The following NAT16 variants were observed in gnomAD, a reference collection of about 807,000 sequenced individuals.
NAT16 encodes the protein N-acetyltransferase 16 (putative), also known as probable N-acetyltransferase 16.
In NAT16, 16 loss-of-function variants were observed where a neutral mutation model predicts 15.9. That is an observed-to-expected ratio of 1.01 (90% CI 0.68 to 1.53). The LOEUF is 1.53. NAT16 is among the 40% of genes most tolerant of loss of function. The pLI is 0.00. For missense variants in NAT16, 572 were observed against 508.4 expected, an observed-to-expected ratio of 1.13 and a Z score of -1.20; for synonymous variants, 260 against 241.9, an observed-to-expected ratio of 1.07 and a Z score of -0.69.
Position 101,174,628 on chromosome 7 carries a change from T to C in NAT16, c.180A>G (p.Glu60=). ...AEPLDFVVAT[E]REFEEVLAIS... ...TGGCCAGCACTTCCTCAAACTCCCG[T>C]TCCGTGGCCACCACGAAGTCCAATG... is the stretch of plus-strand genomic sequence containing the variant. The change falls in exon 2 of 4, where the codon GAA becomes GAG. Residue 60 remains glutamate (E), a synonymous_variant. Coordinates refer to ENST00000300303, the MANE Select transcript of NAT16 (RefSeq NM_198571.3). 1.2e-6 allele frequency: 2 copies of C among 1,613,994 alleles called. No individual in the cohort carries two copies. The highest frequency in any genetic ancestry group is 1.7e-6 in the Non-Finnish European group (2 of 1,179,980).
In NAT16 at chr7:101,172,082, G is replaced by T. The variant is rs933845576; in HGVS notation, c.1107C>A (p.Ile369=). 4 of 1,604,332 alleles carry T rather than the reference G, an allele frequency of 2.5e-6. No homozygotes were observed. The highest frequency in any genetic ancestry group is 3.4e-6 in the Non-Finnish European group (4 of 1,172,690). The change falls in exon 4 of 4, where the codon ATC becomes ATA. Residue 369 remains isoleucine, a synonymous_variant. Transcript: ENST00000300303. This position sits in a 1 kb window ranked among gnomAD's most constrained non-coding sequence, Gnocchi z 4.2. The part of the protein sequence containing the change: ...YTEQYLLEAD[I] ...CCTCCCCGCCAGAGGAGAGGCCTCAGATGTCGGCCTCCAGCAGGTACTGTT... is the reference window on the plus strand; with the variant it reads ...CCTCCCCGCCAGAGGAGAGGCCTCATATGTCGGCCTCCAGCAGGTACTGTT...
intron 1 of NAT16, among the ~76,000 whole-genome samples, chr7:101,177,767 C>A (rs1433765071): frequency 6.6e-6 from 1 of 152,148 alleles, no homozygotes; most frequent in Non-Finnish European, 1.5e-5. Context: ...TGATGAAGAA[C>A]CAGAGATGCG....
At chr7:101,175,315 C>T (rs2116730227) in intron 1 of NAT16, among the ~76,000 whole-genome samples, 1 of 151,386 alleles carries the variant, frequency 6.6e-6, no homozygotes, top group Non-Finnish European at 1.5e-5. Context: ...ACTACTTTGC[C>T]CAGGCTGGTC....
chr7:101,177,817 G>A (rs1797499909), intron 1 of NAT16, among the ~76,000 whole-genome samples: 1 of 152,176 alleles, frequency 6.6e-6, no homozygotes. Flanking sequence ...CACACTGTCA[G>A]CAATCCCTAT....
In NAT16 at chr7:101,172,168, AC is replaced by A; in HGVS notation, c.1020del (p.Trp340CysfsTer17). 1.9e-6 allele frequency: 3 copies of A among 1,613,468 alleles called. No individual in the cohort carries two copies. The highest frequency in any genetic ancestry group is 2.5e-6 in the Non-Finnish European group (3 of 1,179,466). ...MCQLFLEPQLWSQLADFCQVG... is the reference protein window; with the variant it reads ...MCQLFLEPQLXSQLADFCQVG... ...ACCTGGCAGAAGTCAGCCAGCTGTG[AC>A]CACAGCTGGGGCTCCAGGAAGAGCT... On this transcript the variant is annotated frameshift_variant, in exon 4 of 4. Coordinates refer to ENST00000300303, the MANE Select transcript of NAT16 (RefSeq NM_198571.3). LOFTEE classifies it low-confidence loss of function (END_TRUNC). This position sits in a 1 kb window ranked among gnomAD's most constrained non-coding sequence, Gnocchi z 4.2.
Position 101,174,512 on chromosome 7 carries a change from T to C in NAT16, c.296A>G (p.Lys99Arg). The C allele has an allele frequency of 6.2e-7, 1 of 1,612,918 alleles. No individual in the cohort carries two copies. ...CGGGCTCACCACGCCTCCGTTGCGC[T>C]TGGCCAGCACCACCGTGCGGTCGGG... is the stretch of plus-strand genomic sequence containing the variant. ...RDPDRTVVLA[K>R]RNGGVIALES... is the part of the protein sequence containing the mutation. The change falls in exon 2 of 4, where the codon AAG becomes AGG. Residue 99 changes from lysine to arginine, a missense_variant. Transcript: ENST00000300303.
intron 1 of NAT16, among the ~76,000 whole-genome samples, chr7:101,175,986 GACA>G: frequency 6.6e-6 from 1 of 150,568 alleles, no homozygotes; most frequent in Admixed American, 6.6e-5. Context: ...CCTCTGCAAG[GACA>G]ACATGAGAAA....
Position 101,173,354 on chromosome 7 carries a change from G to GTGAGCCGT in NAT16, c.471_478dup (p.Thr160AsnfsTer14). On this transcript the variant is annotated frameshift_variant, in exon 3 of 4. Transcript: ENST00000300303. LOFTEE classifies it high-confidence loss of function. Reference sequence around the variant, plus strand: ...CCGGGGGCCCAGCTGGTCGTCCCGGGTGAGCCGTGCCACCTTGACCCCCGG... The same window carrying GTGAGCCGT: ...CCGGGGGCCCAGCTGGTCGTCCCGGGTGAGCCGTTGAGCCGTGCCACCTTGACCCCCGG... The GTGAGCCGT allele has an allele frequency of 6.2e-7, 1 of 1,614,076 alleles. No homozygotes were observed. The highest frequency in any genetic ancestry group is 8.5e-7 in the Non-Finnish European group (1 of 1,180,010).
chr7:101,173,253 C>G lies in NAT16; in HGVS notation c.537+43G>C, dbSNP rs377525040. 1.9e-6 allele frequency: 3 copies of G among 1,558,190 alleles called. No homozygotes were observed. The African/African-American group carries it at 4.1e-5, about 21-fold the overall frequency. On this transcript the variant is annotated intron_variant, in intron 3 of 3. Coordinates refer to ENST00000300303, the MANE Select transcript of NAT16 (RefSeq NM_198571.3). Reference sequence around the variant, plus strand: ...GGTGGGGAGGGTCTCCCCATATGCCCCAGCAGAGAGGCCCAGCCATCCGAG... The same window carrying G: ...GGTGGGGAGGGTCTCCCCATATGCCGCAGCAGAGAGGCCCAGCCATCCGAG...
chr7:101,174,341 G>T, intron 2 of NAT16, 155 bp downstream of exon 2: 1 of 985,692 alleles, frequency 1.0e-6, no homozygotes, highest in Non-Finnish European at 1.4e-6. Context: ...CCCTGGATCC[G>T]CACTGCACGC....
chr7:101,176,706 C>T (rs1160139822), intron 1 of NAT16, among the ~76,000 whole-genome samples: 1 of 151,868 alleles, frequency 6.6e-6, no homozygotes, highest in Non-Finnish European at 1.5e-5. Context: ...TATCCAAGTC[C>T]CAGCAACTTC....
intron 2 of NAT16, chr7:101,174,160 T>G: frequency 2.5e-6 from 1 of 392,516 alleles, no homozygotes; most frequent in Non-Finnish European, 4.5e-6. Context: ...CCAGCCCAAA[T>G]CTAAGCTCTT....
rs779312211 is a variant in NAT16 at position 101,172,223 on chromosome 7, C to G, written c.966G>C (p.Pro322=). Reference sequence around the variant, plus strand: ...ACATGACGTTGAGGCCAACGAGGCGCGGGGCCTGGCGCTGCAGGTGCCACA... The same window carrying G: ...ACATGACGTTGAGGCCAACGAGGCGGGGGGCCTGGCGCTGCAGGTGCCACA... ...QLLWHLQRQA[P]RLVGLNVMCQ... Residue 322 remains proline (P), a synonymous_variant, in exon 4 of 4, where the codon CCG becomes CCC. Coordinates refer to ENST00000300303, the MANE Select transcript of NAT16 (RefSeq NM_198571.3). This position sits in a 1 kb window ranked among gnomAD's most constrained non-coding sequence, Gnocchi z 4.2. The G allele has an allele frequency of 6.2e-7, 1 of 1,613,430 alleles. No homozygotes were observed. Among genetic ancestry groups the G allele is most frequent in the African/African-American group, 1.3e-5 (1 of 74,932 alleles).
intron 1 of NAT16, among the ~76,000 whole-genome samples, chr7:101,177,410 G>A (rs1408713997): frequency 1.6e-4 from 24 of 152,072 alleles, no homozygotes; most frequent in Non-Finnish European, 8.8e-5. Flanking sequence ...TGGCATCATC[G>A]TAGCTCACTG....
chr7:101,175,612 TG>T, intron 1 of NAT16, among the ~76,000 whole-genome samples: 1 of 147,650 alleles, frequency 6.8e-6, no homozygotes, highest in African/African-American at 2.6e-5. Context: ...AAAAGGCACT[TG>T]GGGGTAGTTT....
At chr7:101,179,308 C>T (rs1076276) in intron 1 of NAT16, 5 of 149,304 alleles carry the variant, frequency 3.3e-5, no homozygotes, top group Admixed American at 2.7e-4. Flanking sequence ...GCAGGGAAGC[C>T]GGAGGAGGCT....
In NAT16 at chr7:101,170,935, A is replaced by G. The variant is rs897727555; in HGVS notation, c.*1144T>C. ...TCTCCCTCTGCCTTTGATGTGGGGA[A>G]CCAGTATTGGAGACAGCGCTGTGCA... On this transcript the variant is annotated 3_prime_UTR_variant, in exon 4 of 4. Transcript: ENST00000300303. The G allele has an allele frequency of 1.3e-5, 2 of 152,276 alleles. No homozygotes were observed. 9.4% of individuals were successfully genotyped at this position (152,276 alleles called of 1,614,324 possible).
In NAT16 at chr7:101,172,745, G is replaced by A; in HGVS notation, c.538-94C>T. On this transcript the variant is annotated intron_variant, in intron 3 of 3. Coordinates refer to ENST00000300303, the MANE Select transcript of NAT16 (RefSeq NM_198571.3). This position sits in a 1 kb window ranked among gnomAD's most constrained non-coding sequence, Gnocchi z 4.2. Reference sequence around the variant, plus strand: ...CAGGCATCTTCACTCCCACGTTCACGCCCACGGGCTCCCACCTGGGTCCCT... The same window carrying A: ...CAGGCATCTTCACTCCCACGTTCACACCCACGGGCTCCCACCTGGGTCCCT... 2 of 1,032,562 alleles carry A rather than the reference G, an allele frequency of 1.9e-6. No homozygotes were observed. The highest frequency in any genetic ancestry group is 1.3e-6 in the Non-Finnish European group (1 of 750,528). 64.0% of individuals were successfully genotyped at this position (1,032,562 alleles called of 1,614,324 possible).
At chr7:101,173,104 G>A (rs551784860) in intron 3 of NAT16, among the ~76,000 whole-genome samples, 192 bp downstream of exon 3, 39 of 152,264 alleles carry the variant, frequency 2.6e-4, no homozygotes, top group Non-Finnish European at 4.9e-4. Flanking sequence ...TTCAGGCTGG[G>A]AGTCGGGAGT....
Sources: allele counts gnomAD v4.1 joint callset (sites outside exome capture counted in the v4.1 genomes callset), GRCh38; gene constraint gnomAD v4.1.1; non-coding constraint Gnocchi (gnomAD v3.1); transcripts MANE v1.5; gene names NCBI Gene and HGNC (gene_info 2026-07-23, HGNC 2026-07-21).